The following PTPRT variants were observed in gnomAD, a reference collection of about 807,000 sequenced individuals.
PTPRT encodes the protein protein tyrosine phosphatase receptor type T.
A neutral mutation model predicts 176.8 loss-of-function variants in PTPRT; 56 were observed. The observed-to-expected ratio is 0.32, with a 90% CI of 0.26 to 0.40. The LOEUF is 0.40. Among genes scored for constraint, PTPRT ranks in the 10% least tolerant of loss-of-function variants. The pLI is 1.00. For missense variants in PTPRT, 1,540 were observed against 1,908.2 expected, an observed-to-expected ratio of 0.81 and a Z score of 3.60; for synonymous variants, 783 against 739.0, an observed-to-expected ratio of 1.06 and a Z score of -0.96.
intron 11 of PTPRT, among the ~76,000 whole-genome samples, chr20:42,327,477 TG>T (rs2057901856): frequency 6.6e-6 from 1 of 152,226 alleles, no homozygotes; most frequent in African/African-American, 2.4e-5. Context: ...CTGAGCGTGA[TG>T]ATTGTTTTGT....
In PTPRT at chr20:43,151,323, A is replaced by C. The variant is rs1377282605; in HGVS notation, c.88+38323T>G. On this transcript the variant is annotated intron_variant, in intron 1 of 30. Transcript: ENST00000373187. ...AGCAAAACTCCGTCTCAAACAAAAA[A>C]AAAAAAAAAAAAGGCATGGACTCCA... Among the ~76,000 whole-genome samples, 288 of 151,710 alleles carry C rather than the reference A, an allele frequency of 1.9e-3. 2 individuals are homozygous for C. Among genetic ancestry groups the C allele is most frequent in the African/African-American group, 3.4e-3 (142 of 41,410 alleles).
At chr20:42,095,932 C>T (rs904796914) in intron 27 of PTPRT, among the ~76,000 whole-genome samples, 1 of 152,188 alleles carries the variant, frequency 6.6e-6, no homozygotes, top group Non-Finnish European at 1.5e-5. Context: ...TTCATCTGCT[C>T]TTCTCGCTGC....
At chr20:42,160,705 C>T (rs570816898) in intron 17 of PTPRT, among the ~76,000 whole-genome samples, 1 of 152,328 alleles carries the variant, frequency 6.6e-6, no homozygotes, top group South Asian at 2.1e-4. Flanking sequence ...CAGTCCTTCT[C>T]TATTATTCCC....
In PTPRT at chr20:42,271,270, T is replaced by C. The variant is rs558128053; in HGVS notation, c.2176+11219A>G. ...CCCCCCACCTTCTTGTATGTAAGCCTTCCTTAGGTGAGTCACTTTGCATGG... is the reference window on the plus strand; with the variant it reads ...CCCCCCACCTTCTTGTATGTAAGCCCTCCTTAGGTGAGTCACTTTGCATGG... On this transcript the variant is annotated intron_variant, in intron 13 of 30. Transcript: ENST00000373187. Among the ~76,000 whole-genome samples the C allele has an allele frequency of 2.0e-5, 3 of 152,296 alleles. No individual in the cohort carries two copies. In the South Asian group the frequency reaches 6.2e-4, roughly 32 times the overall value.
rs1256976028 is a variant in PTPRT, at chr20:43,189,680, C to A, written c.54G>T (p.Pro18=). The change falls in exon 1 of 31, where the codon CCG becomes CCT. Residue 18 remains proline, a synonymous_variant. Transcript: ENST00000373187. The surrounding 1 kb of genome is among the most constrained non-coding windows in gnomAD (Gnocchi z 5.0). ...TCTGAGCCCGGGCGCCGGGCAGTGG[C>A]GGCAGCTGCAGCCTCAGGAGCAGGC... ...ALSLLLRLQL[P]PLPGARAQSA... The A allele has an allele frequency of 3.0e-6, 4 of 1,318,996 alleles. No individual in the cohort carries two copies. The highest frequency in any genetic ancestry group is 3.9e-6 in the Non-Finnish European group (4 of 1,035,368). 81.7% of individuals were successfully genotyped at this position (1,318,996 alleles called of 1,614,324 possible).
rs1388634087 is a variant in PTPRT, at chr20:42,074,224, G to A, written c.*6655C>T. On this transcript the variant is annotated 3_prime_UTR_variant, in exon 31 of 31. Coordinates refer to ENST00000373187, the MANE Select transcript of PTPRT (RefSeq NM_007050.6). ...TATTCATCTTCCATGGGAGATACAG[G>A]GACAGGGTGGACACTGAGAGTTTGT... The A allele has an allele frequency of 4.4e-6, 1 of 227,824 alleles. No individual in the cohort carries two copies. Among genetic ancestry groups the A allele is most frequent in the Non-Finnish European group, 8.7e-6 (1 of 114,686 alleles). 14.1% of individuals were successfully genotyped at this position (227,824 alleles called of 1,614,324 possible).
chr20:43,097,890 CTT>C (rs1375431176), intron 1 of PTPRT, among the ~76,000 whole-genome samples: 4 of 152,168 alleles, frequency 2.6e-5, no homozygotes, highest in Non-Finnish European at 5.9e-5. Context: ...CAAAACTTCT[CTT>C]GTTACATGAA....
intron 11 of PTPRT, among the ~76,000 whole-genome samples, chr20:42,323,133 G>A (rs2057826268): frequency 1.3e-5 from 2 of 152,296 alleles, no homozygotes; most frequent in South Asian, 2.1e-4. Context: ...AGGATGTGGA[G>A]AAATAGGAAC....
At chr20:42,332,151 G>A (rs2057974035) in intron 11 of PTPRT, among the ~76,000 whole-genome samples, 1 of 152,104 alleles carries the variant, frequency 6.6e-6, no homozygotes, top group Admixed American at 6.5e-5. Flanking sequence ...ACAATGGGCA[G>A]TATACACAAA....
intron 1 of PTPRT, among the ~76,000 whole-genome samples, chr20:43,136,733 G>A (rs563670437): frequency 6.6e-6 from 1 of 152,326 alleles, no homozygotes; most frequent in South Asian, 2.1e-4. Context: ...GCCTCAGCTA[G>A]TAAGCGCTTG....
chr20:42,110,737 TCTGAA>T (rs1426727583), intron 22 of PTPRT, among the ~76,000 whole-genome samples: 2 of 152,170 alleles, frequency 1.3e-5, no homozygotes, highest in African/African-American at 4.8e-5. Context: ...TCATACACAC[TCTGAA>T]TGCCCAAGAG....
At chr20:42,496,904 T>G (rs952603957) in intron 7 of PTPRT, among the ~76,000 whole-genome samples, 2 of 152,146 alleles carry the variant, frequency 1.3e-5, no homozygotes, top group Non-Finnish European at 2.9e-5. Flanking sequence ...TTAAAGATCC[T>G]CATGACCCCT....
At chr20:42,467,906 G>A (rs1477472205) in intron 8 of PTPRT, among the ~76,000 whole-genome samples, 1 of 152,170 alleles carries the variant, frequency 6.6e-6, no homozygotes, top group Non-Finnish European at 1.5e-5. Flanking sequence ...GTCTATCCGT[G>A]CCTAGCACAG....
rs143115121 is a variant in PTPRT, at chr20:42,864,685, G to A, written c.214+21122C>T. ...GCTATAGTGTCCCTGAACCTTGAAC[G>A]TGTATATGCCTCTGGAATCTCTTTT... On this transcript the variant is annotated intron_variant, in intron 2 of 30. Coordinates refer to ENST00000373187, the MANE Select transcript of PTPRT (RefSeq NM_007050.6). 3.3e-5 allele frequency among the ~76,000 whole-genome samples: 5 copies of A among 152,274 alleles called. No individual in the cohort carries two copies. In the South Asian group the frequency reaches 8.3e-4, roughly 25 times the overall value.
chr20:42,870,923 A>T (rs1388271821), intron 2 of PTPRT, among the ~76,000 whole-genome samples: 1 of 150,112 alleles, frequency 6.7e-6, no homozygotes, highest in Non-Finnish European at 1.5e-5. Context: ...TATTTCTCTA[A>T]TGATTAGTGA....
At chr20:42,598,797 A>G (rs1317881674) in intron 7 of PTPRT, among the ~76,000 whole-genome samples, 1 of 152,112 alleles carries the variant, frequency 6.6e-6, no homozygotes, top group Non-Finnish European at 1.5e-5. Flanking sequence ...CCATGGCTTA[A>G]CAGTGCCTTC....
intron 3 of PTPRT, among the ~76,000 whole-genome samples, chr20:42,787,785 C>A (rs991292850): frequency 2.0e-5 from 3 of 152,132 alleles, no homozygotes; most frequent in Non-Finnish European, 4.4e-5. Flanking sequence ...TGAACACAGC[C>A]GAATGGCCTG....
chr20:42,716,278 G>A (rs1299107859), intron 6 of PTPRT, among the ~76,000 whole-genome samples: 1 of 152,130 alleles, frequency 6.6e-6, no homozygotes, highest in Non-Finnish European at 1.5e-5. Context: ...GTAATGGGAT[G>A]GCTGGGTCAA....
In PTPRT at chr20:43,039,367, C is replaced by A. The variant is rs2867596; in HGVS notation, c.88+150279G>T. On this transcript the variant is annotated intron_variant, in intron 1 of 30. Transcript: ENST00000373187. Reference sequence around the variant, plus strand: ...TTGAAATAAAATGATAAAAAAAAAACCACAAAATCTCTATCTCACTCCTTA... The same window carrying A: ...TTGAAATAAAATGATAAAAAAAAAAACACAAAATCTCTATCTCACTCCTTA... Among the ~76,000 whole-genome samples, 512 of 75,772 alleles carry A rather than the reference C, an allele frequency of 6.8e-3. 5 individuals carry two copies. Among genetic ancestry groups the A allele is most frequent in the Middle Eastern group, 0.017 (3 of 180 alleles). 49.7% of individuals were successfully genotyped at this position (75,772 alleles called of 152,430 possible). A position where few individuals can be genotyped will look rare whatever the true frequency, so the allele number is the denominator to read the frequency against.
Sources: gnomAD v4.1 joint callset for allele counts (sites outside exome capture counted in the v4.1 genomes callset) on GRCh38, gnomAD v4.1.1 for gene constraint, Gnocchi (gnomAD v3.1) non-coding constraint, MANE v1.5 for transcripts, NCBI Gene and HGNC (gene_info 2026-07-23, HGNC 2026-07-21) for gene names.